UBAC2: variants seen among roughly 807,000 people sequenced by gnomAD.
UBAC2 encodes UBA domain containing 2.
UBAC2 carries 26 observed loss-of-function variants against 44.0 expected under a neutral mutation model. The ratio of observed to expected loss-of-function variants is 0.59; its 90% CI spans 0.43 to 0.82. The LOEUF (loss-of-function observed/expected upper bound fraction) is 0.82. Ranked by LOEUF, UBAC2 falls within the 40% of genes least tolerant of loss-of-function variation. The probability of loss-of-function intolerance (pLI) is 0.00; values close to 1 mark genes in which losing one functional copy is unlikely to be tolerated. For missense variants in UBAC2, 329 were observed against 419.4 expected, an observed-to-expected ratio of 0.78 and a Z score of 1.88; for synonymous variants, 155 against 154.3, an observed-to-expected ratio of 1.00 and a Z score of -0.04.
chr13:99,243,230 GCT>G (rs2043340666), intron 2 of UBAC2, among the ~76,000 whole-genome samples: 1 of 136,194 alleles, frequency 7.3e-6, no homozygotes, highest in Admixed American at 7.4e-5. Context: ...CCTTTGAGTA[GCT>G]CTTTTTTTTT....
intron 1 of UBAC2, among the ~76,000 whole-genome samples, chr13:99,202,063 A>T (rs1358383833): frequency 7.9e-6 from 1 of 126,866 alleles, no homozygotes; most frequent in Non-Finnish European, 1.6e-5. Flanking sequence ...ACAAAGCGAG[A>T]CTCCATCTCA....
rs1566509471 is a variant in UBAC2 at position 99,338,039 on chromosome 13, C to CTTTTTTCTTTTTTTTTTTTTT, written c.562-2275_562-2274insCTTTTTTTTTTTTTTTTTTTT. 7.5e-4 allele frequency among the ~76,000 whole-genome samples: 69 copies of CTTTTTTCTTTTTTTTTTTTTT among 91,540 alleles called. 2 individuals are homozygous for CTTTTTTCTTTTTTTTTTTTTT. Among genetic ancestry groups the CTTTTTTCTTTTTTTTTTTTTT allele is most frequent in the African/African-American group, 9.1e-4 (18 of 19,848 alleles). 60.1% of individuals were successfully genotyped at this position (91,540 alleles called of 152,430 possible). A position where few individuals can be genotyped will look rare whatever the true frequency, so the allele number is the denominator to read the frequency against. Reference sequence around the variant, plus strand: ...GCAAAAAAATCTCCTAACTTTTTTTCTTTTTTTCTTTTTTTTTTTTTTTTT... The same window carrying CTTTTTTCTTTTTTTTTTTTTT: ...GCAAAAAAATCTCCTAACTTTTTTTCTTTTTTCTTTTTTTTTTTTTTTTTTTTTCTTTTTTTTTTTTTTTTT... On this transcript the variant is annotated intron_variant, in intron 6 of 8. Transcript: ENST00000403766.
At chr13:99,219,228 C>T (rs183942090) in intron 1 of UBAC2, among the ~76,000 whole-genome samples, 4 of 152,262 alleles carry the variant, frequency 2.6e-5, no homozygotes, top group Admixed American at 2.6e-4. Context: ...GGGTTGCTCC[C>T]CTACCTGTCT....
Position 99,200,924 on chromosome 13 carries a change from G to C in UBAC2, c.16G>C (p.Gly6Arg), listed in dbSNP as rs771052019. Reference sequence around the variant, plus strand: ...CGGCGGGACCATGTTCACCAGCACCGGCTCCAGTGGGCTCTGTGAGTACCG... The same window carrying C: ...CGGCGGGACCATGTTCACCAGCACCCGCTCCAGTGGGCTCTGTGAGTACCG... Reference protein sequence around the residue: MFTSTGSSGLYKAPLS... With the variant: MFTSTRSSGLYKAPLS... The change falls in exon 1 of 9, where the codon GGC becomes CGC. Residue 6 changes from glycine (G) to arginine (R), a missense_variant. By Grantham distance (125) the Gly-to-Arg change is moderately radical. Coordinates refer to ENST00000403766, the MANE Select transcript of UBAC2 (RefSeq NM_001144072.2). The C allele has an allele frequency of 1.5e-6, 2 of 1,304,162 alleles. No homozygotes were observed. The highest frequency in any genetic ancestry group is 2.0e-6 in the Non-Finnish European group (2 of 1,018,232). 80.8% of individuals were successfully genotyped at this position (1,304,162 alleles called of 1,614,324 possible).
At chr13:99,321,872 G>A (rs2044573271) in intron 6 of UBAC2, among the ~76,000 whole-genome samples, 1 of 152,200 alleles carries the variant, frequency 6.6e-6, no homozygotes, top group South Asian at 2.1e-4. Flanking sequence ...TCAGACCTCA[G>A]TCCTATTTTG....
intron 4 of UBAC2, among the ~76,000 whole-genome samples, chr13:99,250,025 T>A (rs2043438456): frequency 6.6e-6 from 1 of 152,188 alleles, no homozygotes; most frequent in Non-Finnish European, 1.5e-5. Flanking sequence ...GTTTACTCTG[T>A]TGATAGTTTA....
At chr13:99,315,101 T>C (rs141806197) in intron 5 of UBAC2, among the ~76,000 whole-genome samples, 101 of 152,314 alleles carry the variant, frequency 6.6e-4, no homozygotes, top group African/African-American at 2.3e-3. Context: ...TGCTGTCATG[T>C]GTTATCAATG....
chr13:99,294,559 A>G (rs553784591), intron 4 of UBAC2: 2 of 153,050 alleles, frequency 1.3e-5, no homozygotes, highest in African/African-American at 4.8e-5. Context: ...CCTGCTCTTT[A>G]TTCCAAAAGA....
intron 7 of UBAC2, among the ~76,000 whole-genome samples, chr13:99,358,242 A>T (rs534492635): frequency 6.6e-6 from 1 of 152,260 alleles, no homozygotes; most frequent in East Asian, 1.9e-4. Flanking sequence ...AGCAACAGGG[A>T]TGCATTGAGT....
chr13:99,284,080 A>G lies in UBAC2; in HGVS notation c.390-30017A>G, dbSNP rs148730744. Among the ~76,000 whole-genome samples the G allele has an allele frequency of 8.0e-3, 1,218 of 152,370 alleles. 51 individuals are homozygous for G. Among genetic ancestry groups the G allele is most frequent in the Admixed American group, 0.072 (1,103 of 15,312 alleles). ...TAAAACAGTCTAGTTAATGGTCACT[A>G]TAGCAGGAAGCAACTTGAGCATTTT... On this transcript the variant is annotated intron_variant, in intron 4 of 8. Transcript: ENST00000403766.
At chr13:99,244,786 A>T (rs1242005014) in intron 4 of UBAC2, among the ~76,000 whole-genome samples, 162 bp downstream of exon 4, 1 of 151,524 alleles carries the variant, frequency 6.6e-6, no homozygotes, top group East Asian at 1.9e-4. Flanking sequence ...CATTTTTATT[A>T]TGTTCTTGAA....
At chr13:99,384,992 G>C (rs551597562) in intron 8 of UBAC2, among the ~76,000 whole-genome samples, 39 of 152,384 alleles carry the variant, frequency 2.6e-4, no homozygotes, top group African/African-American at 8.9e-4. Context: ...CTGTGTCCTT[G>C]TCTGTAGAAT....
chr13:99,284,608 C>T (rs932342601), intron 4 of UBAC2, among the ~76,000 whole-genome samples: 2 of 152,204 alleles, frequency 1.3e-5, no homozygotes, highest in Non-Finnish European at 2.9e-5. Flanking sequence ...GTATGTATTA[C>T]TTTATTCACA....
At chr13:99,253,894 T>C (rs1269808126) in intron 4 of UBAC2, among the ~76,000 whole-genome samples, 1 of 152,248 alleles carries the variant, frequency 6.6e-6, no homozygotes, top group Non-Finnish European at 1.5e-5. Context: ...ATAAAGGTAA[T>C]TTAGCAGAGA....
At chr13:99,301,163 G>A (rs1250678920) in intron 4 of UBAC2, among the ~76,000 whole-genome samples, 4 of 152,042 alleles carry the variant, frequency 2.6e-5, no homozygotes, top group African/African-American at 2.4e-5. Flanking sequence ...GCCGTCCTTC[G>A]TGCTGCCCAC....
At chr13:99,324,876 C>G (rs77558949) in intron 6 of UBAC2, among the ~76,000 whole-genome samples, 1,755 of 152,120 alleles carry the variant, frequency 0.012, 39 homozygotes, top group African/African-American at 0.04. Flanking sequence ...ACTTGATTTT[C>G]TGTATGAAAA....
intron 3 of UBAC2, 38 bp downstream of exon 3, chr13:99,243,989 G>A (rs763978714): frequency 1.1e-5 from 16 of 1,463,928 alleles, no homozygotes; most frequent in Middle Eastern, 2.2e-4. Context: ...TACTTAGGCT[G>A]TAGAAAAAAA....
chr13:99,238,945 A>G (rs2043270335), intron 2 of UBAC2, among the ~76,000 whole-genome samples: 1 of 152,214 alleles, frequency 6.6e-6, no homozygotes, highest in Non-Finnish European at 1.5e-5. Flanking sequence ...GTATCAGATT[A>G]TGAATTTTTG....
intron 7 of UBAC2, among the ~76,000 whole-genome samples, chr13:99,365,519 A>G (rs1203385242): frequency 2.6e-5 from 4 of 151,956 alleles, no homozygotes; most frequent in Non-Finnish European, 5.9e-5. Context: ...GCTATCTTCT[A>G]ATTTCCATTA....
Sources: gnomAD v4.1 joint callset for allele counts (sites outside exome capture counted in the v4.1 genomes callset) on GRCh38, gnomAD v4.1.1 for gene constraint, MANE v1.5 for transcripts, NCBI Gene and HGNC (gene_info 2026-07-23, HGNC 2026-07-21) for gene names.